The following ABCF1 variants were observed in gnomAD, a reference collection of about 807,000 sequenced individuals.
ABCF1 encodes the protein ATP-binding cassette sub-family F member 1.
A neutral mutation model predicts 126.3 loss-of-function variants in ABCF1; 73 were observed. The observed-to-expected ratio is 0.58, with a 90% CI of 0.48 to 0.70. The LOEUF (loss-of-function observed/expected upper bound fraction) is 0.70. Among genes scored for constraint, ABCF1 ranks in the 30% least tolerant of loss-of-function variants. The pLI is 0.00. For missense variants in ABCF1, 786 were observed against 1,057.5 expected (o/e 0.74, Z 3.56); for synonymous variants, 345 against 396.4 (o/e 0.87, Z 1.54).
chr6:30,585,365 A>G (rs928911133), intron 15 of ABCF1, 22 bp downstream of exon 15: 4 of 1,608,832 alleles, frequency 2.5e-6, no homozygotes, highest in African/African-American at 1.3e-5. Context: ...CCTTTGCATC[A>G]TTGGTTCCCA....
chr6:30,580,553 G>T, intron 8 of ABCF1, 34 bp downstream of exon 8: 1 of 1,322,316 alleles, frequency 7.6e-7, no homozygotes, highest in Non-Finnish European at 1.0e-6. Flanking sequence ...GGTGGAATGA[G>T]GGACTAGGGC....
At chr6:30,585,487 T>A in intron 15 of ABCF1, 71 bp from the exon 16 acceptor site, 1 of 1,603,504 alleles carries the variant, frequency 6.2e-7, no homozygotes, top group Non-Finnish European at 8.5e-7. Flanking sequence ...GCCCCCGTTG[T>A]CTGCCTGCTT....
Position 30,579,899 on chromosome 6 carries a change from A to G in ABCF1, c.490-32A>G, listed in dbSNP as rs558510641. ...CAAAGTAGCACAATAATTTGTATGT[A>G]TGTGTGTAATGTGTATGTGTGTCTC... On this transcript the variant is annotated intron_variant, in intron 6 of 24. Transcript: ENST00000326195. 15 of 1,598,838 alleles carry G rather than the reference A, an allele frequency of 9.4e-6. No homozygotes were observed. The East Asian group carries it at 2.5e-4, about 26-fold the overall frequency.
intron 1 of ABCF1, among the ~76,000 whole-genome samples, chr6:30,575,852 T>C (rs1801468713): frequency 6.6e-6 from 1 of 152,114 alleles, no homozygotes; most frequent in Non-Finnish European, 1.5e-5. Context: ...GGAGAATTGC[T>C]TGAGGCCAGA....
intron 1 of ABCF1, among the ~76,000 whole-genome samples, chr6:30,576,177 A>G (rs899269754): frequency 9.4e-5 from 14 of 149,588 alleles, no homozygotes; most frequent in Non-Finnish European, 1.2e-4. Context: ...CTTCCTTCCT[A>G]TAAGACCTTC....
chr6:30,580,666 C>T lies in ABCF1; in HGVS notation c.678+147C>T, dbSNP rs1043277129. 5.3e-5 allele frequency: 28 copies of T among 532,226 alleles called. No individual in the cohort carries two copies. In the Admixed American group the frequency reaches 1.1e-3, roughly 21 times the overall value. 33.0% of individuals were successfully genotyped at this position (532,226 alleles called of 1,614,324 possible). A position where few individuals can be genotyped will look rare whatever the true frequency, so the allele number is the denominator to read the frequency against. ...TGGGGGAGTAGTTGGGGTGGTGGTT[C>T]GTTTGTTTTTGTTTTTGTTTTTGTT... On this transcript the variant is annotated intron_variant, in intron 8 of 24. Coordinates refer to ENST00000326195, the MANE Select transcript of ABCF1 (RefSeq NM_001025091.2).
intron 1 of ABCF1, among the ~76,000 whole-genome samples, chr6:30,571,825 G>A (rs1442988433): frequency 2.0e-5 from 3 of 152,084 alleles, no homozygotes; most frequent in Non-Finnish European, 4.4e-5. Context: ...GGAGAGATGG[G>A]GAGAAATGGG....
chr6:30,575,143 C>A (rs531434946), intron 1 of ABCF1, among the ~76,000 whole-genome samples: 14 of 147,916 alleles, frequency 9.5e-5, no homozygotes, highest in Non-Finnish European at 1.3e-4. Context: ...GATCTTGGCT[C>A]ACTGCAACCT....
At position 30,586,429 on chromosome 6, in the gene ABCF1, C is replaced by T. The variant is rs1802137385; in HGVS notation, c.1886-45C>T. The T allele has an allele frequency of 6.2e-7, 1 of 1,612,008 alleles. No individual in the cohort carries two copies. Among genetic ancestry groups the T allele is most frequent in the East Asian group, 2.2e-5 (1 of 44,884 alleles). On this transcript the variant is annotated intron_variant, in intron 18 of 24. Transcript: ENST00000326195. The surrounding 1 kb of genome is among the most constrained non-coding windows in gnomAD (Gnocchi z 4.9). Reference sequence around the variant, plus strand: ...AGGCCAGCACATGAGAGGGACTTTGCAGGGACTGAAAAGAATATAAATTGC... The same window carrying T: ...AGGCCAGCACATGAGAGGGACTTTGTAGGGACTGAAAAGAATATAAATTGC...
In ABCF1 at chr6:30,584,492, C is replaced by G; in HGVS notation, c.1317C>G (p.Gly439=). 1 of 1,613,000 alleles carries G rather than the reference C, an allele frequency of 6.2e-7. No homozygotes were observed. The highest frequency in any genetic ancestry group is 8.5e-7 in the Non-Finnish European group (1 of 1,180,018). ...CACGGCGGATCCTGGCTGGCCTGGG[C>G]TTTGACCCTGAAATGCAGAATCGAC... ...AKARRILAGL[G]FDPEMQNRPT... is the part of the protein sequence containing the mutation. Residue 439 remains glycine, a synonymous_variant, in exon 14 of 25, where the codon GGC becomes GGG. Transcript: ENST00000326195. This position sits in a 1 kb window ranked among gnomAD's most constrained non-coding sequence, Gnocchi z 4.6.
chr6:30,589,800 G>T lies in ABCF1; in HGVS notation c.2065-6G>T, dbSNP rs751628065. 6.2e-7 allele frequency: 1 copy of T among 1,613,916 alleles called. No homozygotes were observed. Among genetic ancestry groups the T allele is most frequent in the African/African-American group, 1.3e-5 (1 of 74,864 alleles). On this transcript the variant is annotated splice_region_variant and splice_polypyrimidine_tract_variant and intron_variant, in intron 21 of 24. Transcript: ENST00000326195. ...TAACCGACCACCTCCCTCTCTTCTC[G>T]GGCAGAAAATTGGCTTCTTCAACCA...
chr6:30,586,784 C>A lies in ABCF1; in HGVS notation c.2031+73C>A. Reference sequence around the variant, plus strand: ...AGCTGCTTTTGCCAGAAGCTGGAATCAGGGAGCCTCTCGAGAATGTAGAGT... The same window carrying A: ...AGCTGCTTTTGCCAGAAGCTGGAATAAGGGAGCCTCTCGAGAATGTAGAGT... On this transcript the variant is annotated intron_variant, in intron 20 of 24. Transcript: ENST00000326195. The surrounding 1 kb of genome is among the most constrained non-coding windows in gnomAD (Gnocchi z 4.9). 2 of 1,507,702 alleles carry A rather than the reference C, an allele frequency of 1.3e-6. No homozygotes were observed. The highest frequency in any genetic ancestry group is 1.8e-6 in the Non-Finnish European group (2 of 1,089,284). 93.4% of individuals were successfully genotyped at this position (1,507,702 alleles called of 1,614,324 possible). A position where few individuals can be genotyped will look rare whatever the true frequency, so the allele number is the denominator to read the frequency against.
chr6:30,587,651 C>G (rs1265215855), intron 20 of ABCF1, among the ~76,000 whole-genome samples: 1 of 151,474 alleles, frequency 6.6e-6, no homozygotes, highest in South Asian at 2.1e-4. Flanking sequence ...AAAAAACAGA[C>G]CAGCCTGAGC....
At chr6:30,575,329 A>G (rs763271888) in intron 1 of ABCF1, among the ~76,000 whole-genome samples, 17 of 151,456 alleles carry the variant, frequency 1.1e-4, no homozygotes, top group Non-Finnish European at 2.1e-4. Context: ...TGGCCTCCCA[A>G]TGTGCTGAGA....
At chr6:30,571,613 T>G in intron 1 of ABCF1, 53 bp downstream of exon 1, 1 of 1,560,954 alleles carries the variant, frequency 6.4e-7, no homozygotes, top group Non-Finnish European at 8.7e-7. Flanking sequence ...GAGAGGAGAC[T>G]GCGCGTGTTT....
intron 8 of ABCF1, among the ~76,000 whole-genome samples, chr6:30,582,070 T>C (rs1218798296): frequency 6.6e-6 from 1 of 151,562 alleles, no homozygotes; most frequent in Non-Finnish European, 1.5e-5. Flanking sequence ...GTTGTTTTTT[T>C]TTTTGAGACG....
At chr6:30,587,087 C>T (rs1802181872) in intron 20 of ABCF1, among the ~76,000 whole-genome samples, 2 of 152,152 alleles carry the variant, frequency 1.3e-5, no homozygotes, top group East Asian at 3.8e-4. Context: ...AACCCCGCCT[C>T]TACTAAAAAT....
In ABCF1 at chr6:30,574,579, C is replaced by T. The variant is rs544272789; in HGVS notation, c.74-2830C>T. On this transcript the variant is annotated intron_variant, in intron 1 of 24. Transcript: ENST00000326195. The surrounding 1 kb of genome is among the most constrained non-coding windows in gnomAD (Gnocchi z 4.3). ...TTCTTAGGTACTTCAGTAGATCCTT[C>T]CTCCTAATGCCTTTAGGATTAAACT... Among the ~76,000 whole-genome samples the T allele has an allele frequency of 6.6e-5, 10 of 152,334 alleles. No homozygotes were observed. In the South Asian group the frequency reaches 2.1e-3, roughly 32 times the overall value.
chr6:30,590,518 G>A lies in ABCF1; in HGVS notation c.2372-17G>A. On this transcript the variant is annotated splice_polypyrimidine_tract_variant and intron_variant, in intron 24 of 24. Transcript: ENST00000326195. ...TCCTTTCTTCCTGCCCTCTGTTGTT[G>A]CTATCTTTCTTCAAAGCTGTGATCG... is the stretch of plus-strand genomic sequence containing the variant. 6.2e-7 allele frequency: 1 copy of A among 1,604,402 alleles called. No individual in the cohort carries two copies. The highest frequency in any genetic ancestry group is 8.5e-7 in the Non-Finnish European group (1 of 1,176,110).
Sources: allele counts gnomAD v4.1 joint callset (sites outside exome capture counted in the v4.1 genomes callset), GRCh38; gene constraint gnomAD v4.1.1; non-coding constraint Gnocchi (gnomAD v3.1); transcripts MANE v1.5; gene names NCBI Gene and HGNC (gene_info 2026-07-23, HGNC 2026-07-21).